Variants in MKLN1 observed in about 807,000 individuals in gnomAD.
MKLN1 encodes the protein muskelin.
MKLN1 carries 18 observed loss-of-function variants against 99.0 expected under a neutral mutation model. The ratio of observed to expected loss-of-function variants is 0.18; its 90% CI spans 0.13 to 0.27. The LOEUF (loss-of-function observed/expected upper bound fraction) is 0.27, where lower values mean the gene tolerates loss of function less well. MKLN1 is among the 10% of genes least tolerant of loss of function. The pLI, the probability that MKLN1 is intolerant of heterozygous loss-of-function variation, is 1.00. For synonymous variants in MKLN1, 288 were observed against 293.2 expected (o/e 0.98, Z 0.18); for missense variants, 621 against 875.9 (o/e 0.71, Z 3.67).
At chr7:131,222,937 G>A (rs989721476) in intron 3 of MKLN1, among the ~76,000 whole-genome samples, 1 of 152,036 alleles carries the variant, frequency 6.6e-6, no homozygotes, top group Non-Finnish European at 1.5e-5. Context: ...AGTTACTTGG[G>A]AGGCTGAGGC....
At chr7:131,379,664 G>A (rs777190351) in intron 2 of MKLN1, among the ~76,000 whole-genome samples, 1 of 152,174 alleles carries the variant, frequency 6.6e-6, no homozygotes, top group Non-Finnish European at 1.5e-5. Context: ...TAGGCTGACT[G>A]TAGTCAATAA....
At position 131,165,783 on chromosome 7, in the gene MKLN1, G is replaced by C. The variant is rs1584802866; in HGVS notation, c.-297+22842G>C. 2.0e-5 allele frequency among the ~76,000 whole-genome samples: 3 copies of C among 152,240 alleles called. 1 individual carries two copies. The Middle Eastern group carries it at 0.01, about 518-fold the overall frequency. On this transcript the variant is annotated intron_variant, in intron 2 of 7. Transcript: ENST00000416992. ...TTCTAGCGGCACCGGGTGGTACGAG[G>C]GTGAGCAGAAAGGTAGAAGGCCGGG...
chr7:131,329,763 C>G (rs1799016213), intron 1 of MKLN1, among the ~76,000 whole-genome samples: 1 of 152,138 alleles, frequency 6.6e-6, no homozygotes, highest in Non-Finnish European at 1.5e-5. Context: ...TCTTTTGTGT[C>G]TTGTTACTCT....
chr7:131,230,884 G>A (rs1797231221), intron 3 of MKLN1, among the ~76,000 whole-genome samples: 2 of 152,110 alleles, frequency 1.3e-5, no homozygotes, highest in South Asian at 2.1e-4. Flanking sequence ...ACTTTGGGAG[G>A]CCGAGGCAGA....
At chr7:131,224,869 C>T (rs55853534) in intron 3 of MKLN1, among the ~76,000 whole-genome samples, 22,188 of 151,588 alleles carry the variant, frequency 0.15, 1,851 homozygotes, top group South Asian at 0.26. Flanking sequence ...GTCAGGAAAT[C>T]GAGACCATCC....
chr7:131,117,923 T>G (rs1040527927), intron 1 of MKLN1, among the ~76,000 whole-genome samples: 1 of 152,206 alleles, frequency 6.6e-6, no homozygotes, highest in Non-Finnish European at 1.5e-5. Context: ...GTCAAGACCA[T>G]GACTAAGATG....
chr7:131,404,338 C>G (rs975307796), intron 6 of MKLN1, among the ~76,000 whole-genome samples: 1 of 152,076 alleles, frequency 6.6e-6, no homozygotes, highest in African/African-American at 2.4e-5. Context: ...TTTTTGTGTT[C>G]TTTTGGCAGG....
At chr7:131,269,632 T>C (rs963352563) in intron 3 of MKLN1, among the ~76,000 whole-genome samples, 12 of 152,260 alleles carry the variant, frequency 7.9e-5, no homozygotes, top group African/African-American at 2.7e-4. Flanking sequence ...AATGTATTTT[T>C]CACGGTTGTC....
chr7:131,231,589 G>T (rs1322900476), intron 3 of MKLN1, among the ~76,000 whole-genome samples: 1 of 152,196 alleles, frequency 6.6e-6, no homozygotes, highest in Non-Finnish European at 1.5e-5. Context: ...ATGCGTTGAG[G>T]CTGGGCATGT....
intron 2 of MKLN1, among the ~76,000 whole-genome samples, chr7:131,176,501 A>T (rs1229423571): frequency 6.6e-6 from 1 of 152,214 alleles, no homozygotes; most frequent in Non-Finnish European, 1.5e-5. Context: ...CCTCATTTAC[A>T]AAGTTTTTGT....
intron 2 of MKLN1, among the ~76,000 whole-genome samples, chr7:131,158,878 C>T (rs1391494902): frequency 1.3e-5 from 2 of 152,126 alleles, no homozygotes; most frequent in South Asian, 2.1e-4. Context: ...GTTTGGGGTG[C>T]TTGGAATCTA....
chr7:131,299,683 A>C (rs979103728), intron 3 of MKLN1, among the ~76,000 whole-genome samples: 67 of 152,238 alleles, frequency 4.4e-4, no homozygotes, highest in African/African-American at 1.6e-3. Flanking sequence ...TCTAAACAGA[A>C]CTAACATCAG....
At chr7:131,398,015 A>T (rs1303314488) in intron 5 of MKLN1, among the ~76,000 whole-genome samples, 1 of 152,154 alleles carries the variant, frequency 6.6e-6, no homozygotes, top group Non-Finnish European at 1.5e-5. Context: ...ACGTGTAAGG[A>T]TTAGGTGTTT....
intron 10 of MKLN1, among the ~76,000 whole-genome samples, chr7:131,438,285 T>C (rs1198454891): frequency 6.6e-6 from 1 of 151,956 alleles, no homozygotes; most frequent in African/African-American, 2.4e-5. Flanking sequence ...AGTTTTATAA[T>C]ACATATGCAT....
intron 11 of MKLN1, among the ~76,000 whole-genome samples, chr7:131,445,138 C>T (rs1795972031): frequency 6.6e-6 from 1 of 151,986 alleles, no homozygotes; most frequent in Non-Finnish European, 1.5e-5. Flanking sequence ...GTATTAAAAT[C>T]ATTAGAAATA....
Position 131,356,680 on chromosome 7 carries a change from C to T in MKLN1, c.99-18744C>T, listed in dbSNP as rs569578900. ...CACTGATGGGCAGTCTAGAGGTCCC[C>T]TGTAGAAGGGTGATTCTTGAATATT... On this transcript the variant is annotated intron_variant, in intron 1 of 17. Coordinates refer to ENST00000352689, the MANE Select transcript of MKLN1 (RefSeq NM_013255.5). 1.2e-3 allele frequency among the ~76,000 whole-genome samples: 179 copies of T among 152,270 alleles called. 1 individual carries two copies. Among genetic ancestry groups the T allele is most frequent in the Non-Finnish European group, 1.9e-3 (127 of 68,028 alleles).
At chr7:131,352,803 TTTTAG>T (rs1173587685) in intron 1 of MKLN1, among the ~76,000 whole-genome samples, 1 of 152,192 alleles carries the variant, frequency 6.6e-6, no homozygotes, top group African/African-American at 2.4e-5. Context: ...GGTTCATTTG[TTTTAG>T]TTTATTTTCA....
chr7:131,152,039 ATGGCTGGGTGTGG>A (rs1378269795), intron 2 of MKLN1, among the ~76,000 whole-genome samples: 4 of 152,206 alleles, frequency 2.6e-5, no homozygotes, highest in Admixed American at 2.6e-4. Context: ...AAATTTTGAT[ATGGCTGGGTGTGG>A]TGGCTCATTC....
chr7:131,365,860 C>T (rs900173872), intron 1 of MKLN1, among the ~76,000 whole-genome samples: 2 of 151,920 alleles, frequency 1.3e-5, no homozygotes, highest in Non-Finnish European at 2.9e-5. Context: ...CCACAGATAA[C>T]CATTCTTGTT....
Sources: gnomAD v4.1 joint callset for allele counts (sites outside exome capture counted in the v4.1 genomes callset) on GRCh38, gnomAD v4.1.1 for gene constraint, MANE v1.5 for transcripts, NCBI Gene and HGNC (gene_info 2026-07-23, HGNC 2026-07-21) for gene names.